TNFRSF21: variants seen among roughly 807,000 people sequenced by gnomAD.
The protein encoded by TNFRSF21 is TNF receptor superfamily member 21.
A neutral mutation model predicts 45.6 loss-of-function variants in TNFRSF21; 19 were observed. The ratio of observed to expected loss-of-function variants is 0.42; its 90% confidence interval spans 0.29 to 0.61. The LOEUF (loss-of-function observed/expected upper bound fraction) is 0.61. Ranked by LOEUF, TNFRSF21 falls within the 20% of genes least tolerant of loss-of-function variation. The probability of loss-of-function intolerance (pLI) is 0.23; values close to 1 mark genes in which losing one functional copy is unlikely to be tolerated. For missense variants in TNFRSF21, 737 were observed against 851.5 expected (o/e 0.87, Z 1.67); for synonymous variants, 314 against 335.5 (o/e 0.94, Z 0.70).
rs538346591 is a variant in TNFRSF21, at chr6:47,287,153, A to G, written c.97-558T>C. On this transcript the variant is annotated intron_variant, in intron 1 of 5. Transcript: ENST00000296861. ...TAAAACCCCATCTCTACGAAAAATAAGAAATTAACTAGGCTTGGTGGTGCA... is the reference window on the plus strand; with the variant it reads ...TAAAACCCCATCTCTACGAAAAATAGGAAATTAACTAGGCTTGGTGGTGCA... Among the ~76,000 whole-genome samples the G allele has an allele frequency of 4.6e-5, 7 of 152,066 alleles. No homozygotes were observed. In the East Asian group the frequency reaches 1.2e-3, roughly 25 times the overall value.
chr6:47,239,363 C>A (rs1460166232), intron 4 of TNFRSF21, among the ~76,000 whole-genome samples: 1 of 148,802 alleles, frequency 6.7e-6, no homozygotes, highest in Non-Finnish European at 1.5e-5. Context: ...ACTGAAAAAT[C>A]ACTTCCCTGT....
intron 4 of TNFRSF21, among the ~76,000 whole-genome samples, chr6:47,251,137 T>G (rs981494609): frequency 1.3e-5 from 2 of 152,142 alleles, no homozygotes; most frequent in Non-Finnish European, 1.5e-5. Context: ...TAAAGGATAC[T>G]CAACCTGTAA....
chr6:47,245,440 G>A (rs989972909), intron 4 of TNFRSF21, among the ~76,000 whole-genome samples: 2 of 145,234 alleles, frequency 1.4e-5, no homozygotes, highest in Non-Finnish European at 3.0e-5. Context: ...GTGTGTGTGT[G>A]TGTGTGTGTG....
At chr6:47,275,342 A>G (rs1435575439) in intron 3 of TNFRSF21, among the ~76,000 whole-genome samples, 1 of 152,196 alleles carries the variant, frequency 6.6e-6, no homozygotes, top group Non-Finnish European at 1.5e-5. Flanking sequence ...AGATGAGTTC[A>G]TGTCCTTTAC....
intron 4 of TNFRSF21, among the ~76,000 whole-genome samples, chr6:47,241,413 G>C (rs1230027295): frequency 6.6e-6 from 1 of 152,102 alleles, no homozygotes; most frequent in Non-Finnish European, 1.5e-5. Context: ...TTATTCTTCT[G>C]AGTGTGAATT....
intron 1 of TNFRSF21, among the ~76,000 whole-genome samples, chr6:47,300,464 C>A (rs1255427493): frequency 6.6e-6 from 1 of 152,220 alleles, no homozygotes; most frequent in African/African-American, 2.4e-5. Context: ...CCTCCAGCTT[C>A]TATGCTCCCC....
chr6:47,281,369 T>C (rs558147332), intron 3 of TNFRSF21, among the ~76,000 whole-genome samples: 1 of 150,578 alleles, frequency 6.6e-6, no homozygotes, highest in Non-Finnish European at 1.5e-5. Context: ...TTTTACAATA[T>C]AAAATCTATA....
At chr6:47,242,354 T>C (rs1235054869) in intron 4 of TNFRSF21, among the ~76,000 whole-genome samples, 3 of 152,184 alleles carry the variant, frequency 2.0e-5, no homozygotes, top group African/African-American at 7.2e-5. Context: ...GTTTCTCGCT[T>C]AAATACCCCA....
chr6:47,235,308 A>G (rs761833147), intron 4 of TNFRSF21, among the ~76,000 whole-genome samples: 1 of 152,334 alleles, frequency 6.6e-6, no homozygotes, highest in Middle Eastern at 3.4e-3. Context: ...GAATGCGACT[A>G]CTGTGAGAGA....
intron 3 of TNFRSF21, 108 bp from the exon 4 acceptor site, chr6:47,253,629 G>A (rs1296456026): frequency 9.8e-6 from 13 of 1,329,414 alleles, no homozygotes; most frequent in African/African-American, 1.5e-5. Context: ...CTTTCCTATC[G>A]CTGTATGTCA....
At position 47,232,636 on chromosome 6, in the gene TNFRSF21, CACACACACACACACACACACACAA is replaced by C. The variant is rs1764602503; in HGVS notation, c.*105_*128del. 4 of 718,916 alleles carry C rather than the reference CACACACACACACACACACACACAA, an allele frequency of 5.6e-6. No homozygotes were observed. Among genetic ancestry groups the C allele is most frequent in the Non-Finnish European group, 7.0e-6 (3 of 430,538 alleles). The allele number at this position is 718,916 out of a possible 1,614,324, so 44.5% of individuals were successfully genotyped here. On this transcript the variant is annotated 3_prime_UTR_variant, in exon 6 of 6. Coordinates refer to ENST00000296861, the MANE Select transcript of TNFRSF21 (RefSeq NM_014452.5). ...ATATTCTCTGTTAAACACACACACACACACACACACACACACACACACAAACACACACACACACCCCAAACAACA... is the reference window on the plus strand; with the variant it reads ...ATATTCTCTGTTAAACACACACACACACACACACACACACCCCAAACAACA...
intron 4 of TNFRSF21, among the ~76,000 whole-genome samples, chr6:47,249,582 T>C (rs1255191840): frequency 6.6e-6 from 1 of 152,202 alleles, no homozygotes; most frequent in Non-Finnish European, 1.5e-5. Context: ...GTATTAAGAA[T>C]GTTAAGAATG....
chr6:47,304,068 A>G (rs1762906609), intron 1 of TNFRSF21, among the ~76,000 whole-genome samples: 1 of 152,184 alleles, frequency 6.6e-6, no homozygotes, highest in African/African-American at 2.4e-5. Context: ...CTCTGAGATA[A>G]CCTGGGCTCT....
chr6:47,274,178 A>C (rs1762464117), intron 3 of TNFRSF21, among the ~76,000 whole-genome samples: 1 of 152,236 alleles, frequency 6.6e-6, no homozygotes, highest in Non-Finnish European at 1.5e-5. Context: ...TGCATTGCCA[A>C]GACAATCCTA....
chr6:47,288,019 G>A (rs1011308005), intron 1 of TNFRSF21, among the ~76,000 whole-genome samples: 22 of 152,084 alleles, frequency 1.4e-4, no homozygotes, highest in African/African-American at 3.6e-4. Flanking sequence ...AAATGTATAC[G>A]CTATGACCCA....
intron 3 of TNFRSF21, among the ~76,000 whole-genome samples, chr6:47,277,827 G>A (rs1187128092): frequency 6.6e-6 from 1 of 152,108 alleles, no homozygotes; most frequent in Non-Finnish European, 1.5e-5. Context: ...AGTCTATGAT[G>A]CTTCTTTCTT....
intron 5 of TNFRSF21, 104 bp from the exon 6 acceptor site, chr6:47,233,098 C>G (rs1393360334): frequency 1.0e-6 from 1 of 976,056 alleles, no homozygotes; most frequent in Non-Finnish European, 1.5e-6. Context: ...CTATGTCCCC[C>G]CCAGCCTATT....
intron 4 of TNFRSF21, among the ~76,000 whole-genome samples, chr6:47,249,646 A>C (rs1764872392): frequency 6.6e-6 from 1 of 152,206 alleles, no homozygotes; most frequent in Non-Finnish European, 1.5e-5. Context: ...GTAAAACTGT[A>C]ATAACTCTGC....
chr6:47,289,374 T>C (rs1195658727), intron 1 of TNFRSF21, among the ~76,000 whole-genome samples: 1 of 152,164 alleles, frequency 6.6e-6, no homozygotes, highest in Non-Finnish European at 1.5e-5. Context: ...CCTTCCCCTG[T>C]CCCAGAGCTG....
Sources: allele counts gnomAD v4.1 joint callset (sites outside exome capture counted in the v4.1 genomes callset), GRCh38; gene constraint gnomAD v4.1.1; transcripts MANE v1.5; gene names NCBI Gene and HGNC (gene_info 2026-07-23, HGNC 2026-07-21).